The following JAKMIP3 variants were observed in gnomAD, a reference collection of about 807,000 sequenced individuals.
The protein encoded by JAKMIP3 is Janus kinase and microtubule interacting protein 3.
In JAKMIP3, 58 loss-of-function variants were observed where a neutral mutation model predicts 118.5. The ratio of observed to expected loss-of-function variants is 0.49; its 90% CI spans 0.40 to 0.61. The LOEUF (loss-of-function observed/expected upper bound fraction) is 0.61. Among genes scored for constraint, JAKMIP3 ranks in the 20% least tolerant of loss-of-function variants. The pLI is 0.00. For missense variants in JAKMIP3, 950 were observed against 1,109.0 expected (o/e 0.86, Z 2.04); for synonymous variants, 486 against 451.2 (o/e 1.08, Z -0.98).
At chr10:132,154,199 T>G (rs1380242706) in intron 19 of JAKMIP3, among the ~76,000 whole-genome samples, 1 of 152,188 alleles carries the variant, frequency 6.6e-6, no homozygotes, top group African/African-American at 2.4e-5. Flanking sequence ...GGAGCAGGAT[T>G]AGTTGAGGAG....
At chr10:132,149,295 T>C (rs2055342686) in intron 14 of JAKMIP3, 117 bp from the exon 15 acceptor site, 1 of 675,912 alleles carries the variant, frequency 1.5e-6, no homozygotes, top group Non-Finnish European at 2.5e-6. Flanking sequence ...TTTTCATAAA[T>C]GCTGTGTTGA....
chr10:132,166,746 C>T (rs558402760), intron 21 of JAKMIP3, among the ~76,000 whole-genome samples: 38 of 152,274 alleles, frequency 2.5e-4, no homozygotes, highest in Non-Finnish European at 5.1e-4. Context: ...GCGCCCACCA[C>T]CCGCATCTGC....
In JAKMIP3 at chr10:132,076,369, C is replaced by A. The variant is rs4880232; in HGVS notation, c.-138+10308C>A. The stretch of plus-strand genomic sequence containing the variant: ...TCCTTTTCATTGCTGGAATAATATC[C>A]TATCACGTGGATAGACCGTTTTTGT... On this transcript the variant is annotated intron_variant, in intron 1 of 23. Coordinates refer to ENST00000684848, the MANE Select transcript of JAKMIP3 (RefSeq NM_001323087.2). Among the ~76,000 whole-genome samples the A allele has an allele frequency of 1.5e-4, 23 of 152,354 alleles. 1 individual carries two copies. The South Asian group carries it at 3.5e-3, about 23-fold the overall frequency.
intron 2 of JAKMIP3, among the ~76,000 whole-genome samples, chr10:132,108,005 T>C (rs1438461977): frequency 6.6e-6 from 1 of 152,094 alleles, no homozygotes; most frequent in East Asian, 1.9e-4. Context: ...AGGAGTTGGG[T>C]CCGGGCAGAG....
In JAKMIP3 at chr10:132,183,866, G is replaced by A. The variant is rs1461959840; in HGVS notation, c.*2613G>A. On this transcript the variant is annotated 3_prime_UTR_variant, in exon 24 of 24. Coordinates refer to ENST00000684848, the MANE Select transcript of JAKMIP3 (RefSeq NM_001323087.2). Reference sequence around the variant, plus strand: ...TCCAGTGAGCAGCAGCAGAATTCAAGTATTTAAAAATAAGGTGCATTTCTA... The same window carrying A: ...TCCAGTGAGCAGCAGCAGAATTCAAATATTTAAAAATAAGGTGCATTTCTA... 1 of 152,164 alleles carries A rather than the reference G, an allele frequency of 6.6e-6. No homozygotes were observed. The highest frequency in any genetic ancestry group is 1.5e-5 in the Non-Finnish European group (1 of 68,028). The allele number at this position is 152,164 out of a possible 1,614,324, so 9.4% of individuals were successfully genotyped here.
At chr10:132,111,433 G>A (rs940102435) in intron 2 of JAKMIP3, among the ~76,000 whole-genome samples, 10 of 152,180 alleles carry the variant, frequency 6.6e-5, no homozygotes, top group Non-Finnish European at 1.5e-4. Context: ...GGGTGAATGG[G>A]CATGGGTGTG....
At chr10:132,133,609 C>G in intron 4 of JAKMIP3, 82 bp downstream of exon 4, 1 of 1,291,392 alleles carries the variant, frequency 7.7e-7, no homozygotes, top group Non-Finnish European at 1.1e-6. Flanking sequence ...GCATGGGCCA[C>G]TCCCCCAGGA....
chr10:132,180,738 CGT>C (rs1196753837), intron 23 of JAKMIP3, among the ~76,000 whole-genome samples: 2,041 of 7,436 alleles, frequency 0.27, 522 homozygotes, highest in Admixed American at 0.44. Context: ...TGCGTGTGTG[CGT>C]GCGTGCGCGC....
chr10:132,163,423 G>T lies in JAKMIP3; in HGVS notation c.2424+11G>T. The stretch of plus-strand genomic sequence containing the variant: ...CAGCTGGCTCAGCAGGTGTGTGGCA[G>T]GCGGGGGCAGGGCTGGCGTGAAGAC... On this transcript the variant is annotated intron_variant, in intron 20 of 23. Transcript: ENST00000684848. The T allele has an allele frequency of 6.3e-7, 1 of 1,586,634 alleles. No individual in the cohort carries two copies. Among genetic ancestry groups the T allele is most frequent in the South Asian group, 1.1e-5 (1 of 88,466 alleles).
At chr10:132,159,550 CTG>C (rs2057641887) in intron 19 of JAKMIP3, among the ~76,000 whole-genome samples, 1 of 126,236 alleles carries the variant, frequency 7.9e-6, no homozygotes, top group African/African-American at 3.1e-5. Flanking sequence ...GGGTCTCTCC[CTG>C]TGTGATGCTG....
chr10:132,161,254 T>A (rs1589996925), intron 19 of JAKMIP3, among the ~76,000 whole-genome samples: 1 of 6,638 alleles, frequency 1.5e-4, no homozygotes, highest in Non-Finnish European at 2.8e-4. Flanking sequence ...TGTGTGATGC[T>A]GGGGGGGCCT....
intron 23 of JAKMIP3, among the ~76,000 whole-genome samples, chr10:132,174,283 C>T (rs540835562): frequency 2.0e-5 from 3 of 152,258 alleles, no homozygotes; most frequent in African/African-American, 7.2e-5. Flanking sequence ...TTGCCTCTTC[C>T]ACATCAGGTA....
At chr10:132,087,254 A>G (rs1475509944) in intron 1 of JAKMIP3, among the ~76,000 whole-genome samples, 1 of 152,150 alleles carries the variant, frequency 6.6e-6, no homozygotes, top group Admixed American at 6.5e-5. Flanking sequence ...GTTTTCCTTT[A>G]TAGGTTACCT....
At chr10:132,110,085 GA>G (rs965282824) in intron 2 of JAKMIP3, among the ~76,000 whole-genome samples, 13 of 152,218 alleles carry the variant, frequency 8.5e-5, no homozygotes, top group Non-Finnish European at 1.9e-4. Flanking sequence ...ACCCGTGGGG[GA>G]GAATCCAGTT....
At chr10:132,159,598 GTCTTCCTATGTGATGCTGGGGGTCC>G (rs1564981550) in intron 19 of JAKMIP3, among the ~76,000 whole-genome samples, 5 of 74,530 alleles carry the variant, frequency 6.7e-5, no homozygotes, top group East Asian at 4.1e-4. Flanking sequence ...CTGGGGGCAT[GTCTTCCTATGTGATGCTGGGGGTCC>G]TCTTCCTTTG....
At chr10:132,164,466 G>A (rs553968867) in intron 20 of JAKMIP3, among the ~76,000 whole-genome samples, 11 of 152,350 alleles carry the variant, frequency 7.2e-5, no homozygotes, top group Admixed American at 2.6e-4. Context: ...TTCCCACCAC[G>A]GGGAGTGTGG....
At chr10:132,154,983 G>GATCATGAT (rs2056868202) in intron 19 of JAKMIP3, among the ~76,000 whole-genome samples, 8 of 8,910 alleles carry the variant, frequency 9.0e-4, no homozygotes, top group African/African-American at 1.6e-3. Flanking sequence ...TGATCATGAT[G>GATCATGAT]GGGATGATGG....
At chr10:132,097,095 G>A (rs987627391) in intron 1 of JAKMIP3, among the ~76,000 whole-genome samples, 1 of 152,222 alleles carries the variant, frequency 6.6e-6, no homozygotes, top group African/African-American at 2.4e-5. Flanking sequence ...CTAGGAGAAC[G>A]GCAACGTTAG....
chr10:132,101,286 G>A (rs1226304524), intron 1 of JAKMIP3, among the ~76,000 whole-genome samples: 2 of 152,180 alleles, frequency 1.3e-5, no homozygotes, highest in East Asian at 3.9e-4. Flanking sequence ...AGGAAGTCGA[G>A]GCTACAGTGA....
Sources: allele counts gnomAD v4.1 joint callset (sites outside exome capture counted in the v4.1 genomes callset), GRCh38; gene constraint gnomAD v4.1.1; transcripts MANE v1.5; gene names NCBI Gene and HGNC (gene_info 2026-07-23, HGNC 2026-07-21).